EPHB2: variants seen among roughly 807,000 people sequenced by gnomAD.
The protein encoded by EPHB2 is ephrin type-B receptor 2.
Under a neutral mutation model 96.4 loss-of-function variants are expected in EPHB2, and 18 were observed. The ratio of observed to expected loss-of-function variants is 0.19; its 90% confidence interval spans 0.13 to 0.28. EPHB2 has a LOEUF of 0.28. EPHB2 is among the 10% of genes least tolerant of loss of function. The pLI is 1.00. For missense variants in EPHB2, 989 were observed against 1,355.4 expected (o/e 0.73, Z 4.25); for synonymous variants, 506 against 534.1 (o/e 0.95, Z 0.72).
At chr1:22,837,712 C>G (rs1645405072) in intron 3 of EPHB2, among the ~76,000 whole-genome samples, 1 of 152,184 alleles carries the variant, frequency 6.6e-6, no homozygotes, top group South Asian at 2.1e-4. Context: ...TCACCTTGGC[C>G]TTCCCCACTC....
chr1:22,724,944 G>C (rs1008747823), intron 1 of EPHB2, among the ~76,000 whole-genome samples: 2 of 151,940 alleles, frequency 1.3e-5, no homozygotes, highest in African/African-American at 2.4e-5. Flanking sequence ...ATCTCTCCCT[G>C]GTCAGTTCTT....
chr1:22,843,532 T>A (rs1377336755), intron 3 of EPHB2, among the ~76,000 whole-genome samples: 1 of 152,050 alleles, frequency 6.6e-6, no homozygotes, highest in Non-Finnish European at 1.5e-5. Flanking sequence ...GTGTCTTTTG[T>A]TCCCTTCTTC....
At chr1:22,738,634 A>G (rs917022805) in intron 1 of EPHB2, among the ~76,000 whole-genome samples, 4 of 152,192 alleles carry the variant, frequency 2.6e-5, no homozygotes, top group African/African-American at 9.7e-5. Context: ...TCAATCATTC[A>G]TTATCGAGCC....
At position 22,918,999 on chromosome 1, in the gene EPHB2, C is replaced by G. The variant is rs1640333383; in HGVS notation, c.*5429C>G. 6.6e-6 allele frequency: 1 copy of G among 152,212 alleles called. No homozygotes were observed. The highest frequency in any genetic ancestry group is 2.4e-5 in the African/African-American group (1 of 41,450). The allele number at this position is 152,212 out of a possible 1,614,324, so 9.4% of individuals were successfully genotyped here. On this transcript the variant is annotated 3_prime_UTR_variant, in exon 16 of 16. Coordinates refer to ENST00000374630, the MANE Select transcript of EPHB2 (RefSeq NM_017449.5). This position sits in a 1 kb window ranked among gnomAD's most constrained non-coding sequence, Gnocchi z 4.2. ...TGGGATTTCTCAAAATGTTTGCCAT[C>G]GCCCACCTGTATCAGAATCTCCTGG...
chr1:22,880,777 A>G (rs1639014488), intron 5 of EPHB2, among the ~76,000 whole-genome samples: 1 of 152,228 alleles, frequency 6.6e-6, no homozygotes, highest in African/African-American at 2.4e-5. Flanking sequence ...GCGTGTGTAA[A>G]GGGCCCAGGG....
chr1:22,919,505 C>T lies in EPHB2; in HGVS notation c.*5935C>T, dbSNP rs1484404686. On this transcript the variant is annotated 3_prime_UTR_variant, in exon 16 of 16. Transcript: ENST00000374630. ...GCCACCCTGGGAGACCCCACAGACC[C>T]CAAGGCTATGGTCCAGACCTGTTCA... 6.6e-6 allele frequency: 1 copy of T among 152,384 alleles called. No homozygotes were observed. Among genetic ancestry groups the T allele is most frequent in the African/African-American group, 2.4e-5 (1 of 41,460 alleles). 9.4% of individuals were successfully genotyped at this position (152,384 alleles called of 1,614,324 possible).
intron 1 of EPHB2, among the ~76,000 whole-genome samples, chr1:22,736,334 G>A (rs990524512): frequency 1.3e-5 from 2 of 152,176 alleles, no homozygotes; most frequent in South Asian, 4.1e-4. Context: ...TGGTTGGTGT[G>A]GGGAATGAGG....
intron 9 of EPHB2, among the ~76,000 whole-genome samples, chr1:22,899,991 C>A (rs1292037957): frequency 1.4e-5 from 2 of 144,416 alleles, no homozygotes; most frequent in Non-Finnish European, 3.0e-5. Flanking sequence ...GAGACCCTGT[C>A]CCAAGAAAAA....
intron 3 of EPHB2, among the ~76,000 whole-genome samples, chr1:22,787,977 A>G (rs891365988): frequency 2.0e-4 from 31 of 152,338 alleles, no homozygotes; most frequent in African/African-American, 7.5e-4. Context: ...GTGCAGTGAC[A>G]TTCCCCAGAG....
At chr1:22,752,943 T>TG (rs1296256338) in intron 1 of EPHB2, among the ~76,000 whole-genome samples, 1 of 151,796 alleles carries the variant, frequency 6.6e-6, no homozygotes, top group Non-Finnish European at 1.5e-5. Flanking sequence ...GCCATCATGC[T>TG]GGGCTATGTT....
chr1:22,828,913 G>A (rs1645262550), intron 3 of EPHB2, among the ~76,000 whole-genome samples: 1 of 152,186 alleles, frequency 6.6e-6, no homozygotes, highest in Non-Finnish European at 1.5e-5. Context: ...TTAGAACGGT[G>A]CAGTCACAGA....
intron 3 of EPHB2, among the ~76,000 whole-genome samples, chr1:22,797,045 A>G (rs1557679930): frequency 6.6e-6 from 1 of 152,150 alleles, no homozygotes; most frequent in Admixed American, 6.5e-5. Context: ...CAAGGACTCT[A>G]GGAAGTAAAA....
At chr1:22,877,882 T>G (rs1001838300) in intron 5 of EPHB2, among the ~76,000 whole-genome samples, 1 of 152,148 alleles carries the variant, frequency 6.6e-6, no homozygotes, top group African/African-American at 2.4e-5. Context: ...CAGGCCCCAC[T>G]CCAGACCTGC....
intron 3 of EPHB2, among the ~76,000 whole-genome samples, chr1:22,836,397 A>G (rs1410412449): frequency 6.6e-6 from 1 of 152,234 alleles, no homozygotes; most frequent in African/African-American, 2.4e-5. Flanking sequence ...GGAGGAAGAC[A>G]GCTATTGTGG....
rs1238892145 is a variant in EPHB2 at position 22,785,000 on chromosome 1, C to T, written c.735C>T (p.Gly245=). 6 of 1,613,904 alleles carry T rather than the reference C, an allele frequency of 3.7e-6. No individual in the cohort carries two copies. The African/African-American group carries it at 5.3e-5, about 14-fold the overall frequency. ...TCAAGCTCTACTGTAACGGGGACGG[C>T]GAGTGGCTGGTGCCCATCGGGCGCT... ...VPIKLYCNGD[G]EWLVPIGRCM... Residue 245 remains glycine (G), a synonymous_variant, in exon 3 of 16, where the codon GGC becomes GGT. Transcript: ENST00000374630. This position sits in a 1 kb window ranked among gnomAD's most constrained non-coding sequence, Gnocchi z 5.1.
chr1:22,855,048 C>G (rs1184598448), intron 3 of EPHB2, among the ~76,000 whole-genome samples: 1 of 152,214 alleles, frequency 6.6e-6, no homozygotes, highest in Non-Finnish European at 1.5e-5. Context: ...GGTGTCTGAG[C>G]CACCCACAGC....
intron 3 of EPHB2, among the ~76,000 whole-genome samples, chr1:22,838,319 C>A (rs903730074): frequency 6.6e-6 from 1 of 152,214 alleles, no homozygotes; most frequent in Non-Finnish European, 1.5e-5. Context: ...ATTAGATTGA[C>A]ATAAGGGAAC....
At chr1:22,853,084 C>G (rs145583083) in intron 3 of EPHB2, among the ~76,000 whole-genome samples, 4,029 of 152,346 alleles carry the variant, frequency 0.026, 58 homozygotes, top group Non-Finnish European at 0.041. Context: ...GGCACGGTGG[C>G]TCATGCCTGT....
intron 1 of EPHB2, among the ~76,000 whole-genome samples, chr1:22,722,467 G>A (rs1002442924): frequency 6.6e-6 from 1 of 152,250 alleles, no homozygotes; most frequent in Non-Finnish European, 1.5e-5. Flanking sequence ...AAATGGGGAA[G>A]TTGAGGTTCA....
Sources: allele counts gnomAD v4.1 joint callset (sites outside exome capture counted in the v4.1 genomes callset), GRCh38; gene constraint gnomAD v4.1.1; non-coding constraint Gnocchi (gnomAD v3.1); transcripts MANE v1.5; gene names NCBI Gene and HGNC (gene_info 2026-07-23, HGNC 2026-07-21).